Variants in CSGALNACT1 observed in about 807,000 individuals in gnomAD.
CSGALNACT1 encodes the protein chondroitin sulfate N-acetylgalactosaminyltransferase 1, also known as beta4GalNAcT-1.
In CSGALNACT1, 52 loss-of-function variants were observed where a neutral mutation model predicts 51.0. That is an observed-to-expected ratio of 1.02 (90% confidence interval 0.82 to 1.29). The LOEUF (loss-of-function observed/expected upper bound fraction) is 1.29. Ranked by LOEUF, CSGALNACT1 falls within the 50% of genes most tolerant of loss-of-function variation. The probability of loss-of-function intolerance (pLI) is 0.00; values close to 1 mark genes in which losing one functional copy is unlikely to be tolerated. For synonymous variants in CSGALNACT1, 341 were observed against 254.4 expected, an observed-to-expected ratio of 1.34 and a Z score of -3.24; for missense variants, 935 against 679.2, an observed-to-expected ratio of 1.38 and a Z score of -4.19.
chr8:19,689,530 A>T (rs1056127707), intron 1 of CSGALNACT1, among the ~76,000 whole-genome samples: 1 of 152,242 alleles, frequency 6.6e-6, no homozygotes, highest in Non-Finnish European at 1.5e-5. Flanking sequence ...TTTGCTACAC[A>T]GCAATAAATA....
At chr8:19,747,176 G>T (rs1411070010) in intron 1 of CSGALNACT1, among the ~76,000 whole-genome samples, 1 of 151,748 alleles carries the variant, frequency 6.6e-6, no homozygotes, top group African/African-American at 2.4e-5. Flanking sequence ...GACGACAGGG[G>T]AAAAATGCAG....
At chr8:19,448,943 A>G (rs1015240494) in intron 5 of CSGALNACT1, among the ~76,000 whole-genome samples, 3 of 152,224 alleles carry the variant, frequency 2.0e-5, no homozygotes, top group Non-Finnish European at 4.4e-5. Context: ...AGTGGGGCTA[A>G]GTAAAACCTG....
intron 1 of CSGALNACT1, among the ~76,000 whole-genome samples, chr8:19,696,778 G>A (rs940625933): frequency 3.3e-5 from 5 of 152,094 alleles, no homozygotes; most frequent in African/African-American, 1.2e-4. Flanking sequence ...AATGGGGGTC[G>A]GTACACAGGA....
intron 3 of CSGALNACT1, among the ~76,000 whole-genome samples, chr8:19,524,435 T>A (rs545924044): frequency 6.6e-6 from 1 of 152,210 alleles, no homozygotes; most frequent in East Asian, 1.9e-4. Context: ...GCCTAATTTT[T>A]TTTTCTAGAT....
rs2059437059 is a variant in CSGALNACT1 at position 19,667,091 on chromosome 8, GAA to G, written c.-544+15380_-544+15381del. 5.7e-5 allele frequency among the ~76,000 whole-genome samples: 7 copies of G among 122,928 alleles called. 1 individual carries two copies. The highest frequency in any genetic ancestry group is 2.2e-4 in the African/African-American group (7 of 32,056). The allele number at this position is 122,928 out of a possible 152,430, so 80.6% of individuals were successfully genotyped here. On this transcript the variant is annotated intron_variant, in intron 1 of 9. Coordinates refer to the CSGALNACT1 transcript ENST00000332246. Reference sequence around the variant, plus strand: ...AGAAAGAAAGAAAGAAAGAAAGAAAGAAAGAAAGGGAAAGAAATCTCATCACA... The same window carrying G: ...AGAAAGAAAGAAAGAAAGAAAGAAAGAGAAAGGGAAAGAAATCTCATCACA...
chr8:19,718,360 C>T (rs1264556469), intron 1 of CSGALNACT1, among the ~76,000 whole-genome samples: 1 of 152,176 alleles, frequency 6.6e-6, no homozygotes, highest in African/African-American at 2.4e-5. Context: ...CCTCAGCCTC[C>T]CAAAGTGCTG....
intron 1 of CSGALNACT1, among the ~76,000 whole-genome samples, chr8:19,647,895 T>A (rs1035977588): frequency 5.3e-5 from 8 of 152,132 alleles, no homozygotes; most frequent in Admixed American, 3.3e-4. Context: ...AATGAGACAT[T>A]TGAATAAAAG....
chr8:19,487,083 A>G (rs1004987214), intron 4 of CSGALNACT1, among the ~76,000 whole-genome samples: 1 of 152,218 alleles, frequency 6.6e-6, no homozygotes. Flanking sequence ...ATGCTTTTAT[A>G]TAATGCTTCC....
chr8:19,515,730 T>C (rs932494677), intron 3 of CSGALNACT1, among the ~76,000 whole-genome samples: 1 of 152,094 alleles, frequency 6.6e-6, no homozygotes, highest in Non-Finnish European at 1.5e-5. Flanking sequence ...TTTTTTTATT[T>C]TGATTTTTAA....
rs965052915 is a variant in CSGALNACT1, at chr8:19,439,882, A to T, written c.901T>A (p.Phe301Ile). Residue 301 changes from phenylalanine to isoleucine, a missense_variant, in exon 6 of 10, where the codon TTT becomes ATT. Phe to Ile is a conservative substitution (Grantham distance 21, BLOSUM62 0). Transcript: ENST00000454498. ...ACTTCATTTATTTCTTCTTTCCCAAAGTAAACAACAGTGAGATGGACTCTC... is the reference window on the plus strand; with the variant it reads ...ACTTCATTTATTTCTTCTTTCCCAATGTAAACAACAGTGAGATGGACTCTC... The T allele has an allele frequency of 1.2e-6, 2 of 1,614,078 alleles. No homozygotes were observed. Among genetic ancestry groups the T allele is most frequent in the African/African-American group, 2.7e-5 (2 of 74,930 alleles).
intron 1 of CSGALNACT1, among the ~76,000 whole-genome samples, chr8:19,649,231 G>A (rs2057552511): frequency 6.6e-6 from 1 of 152,114 alleles, no homozygotes; most frequent in African/African-American, 2.4e-5. Context: ...CAAAGTTGGT[G>A]GCCATCTTCT....
chr8:19,616,783 G>A (rs931733135), intron 1 of CSGALNACT1, among the ~76,000 whole-genome samples: 4 of 152,138 alleles, frequency 2.6e-5, no homozygotes, highest in African/African-American at 9.7e-5. Context: ...CTCATATGCT[G>A]AGCAGAGGCC....
chr8:19,704,518 G>T (rs7840999), intron 1 of CSGALNACT1, among the ~76,000 whole-genome samples: 107 of 152,052 alleles, frequency 7.0e-4, no homozygotes, highest in Admixed American at 2.0e-4. Context: ...CAGTATTGAG[G>T]TTCTTCAAAA....
At chr8:19,703,227 A>C (rs2061977346) in intron 1 of CSGALNACT1, among the ~76,000 whole-genome samples, 1 of 152,134 alleles carries the variant, frequency 6.6e-6, no homozygotes, top group South Asian at 2.1e-4. Flanking sequence ...AGAAGGAGCC[A>C]TTGACGTGGC....
intron 4 of CSGALNACT1, among the ~76,000 whole-genome samples, chr8:19,474,065 T>TA (rs1425146179): frequency 6.6e-6 from 1 of 152,116 alleles, no homozygotes; most frequent in African/African-American, 2.4e-5. Context: ...TAAATCTTAG[T>TA]AAAAAAGAAC....
At chr8:19,600,806 T>C (rs1320846582) in intron 2 of CSGALNACT1, among the ~76,000 whole-genome samples, 1 of 151,254 alleles carries the variant, frequency 6.6e-6, no homozygotes, top group East Asian at 1.9e-4. Flanking sequence ...TATTTTATCT[T>C]AATAGTGTGA....
intron 1 of CSGALNACT1, among the ~76,000 whole-genome samples, chr8:19,744,305 G>C (rs1047305707): frequency 6.6e-6 from 1 of 152,158 alleles, no homozygotes; most frequent in Non-Finnish European, 1.5e-5. Flanking sequence ...CTGTCCTCAT[G>C]CTCAGCGGAC....
intron 3 of CSGALNACT1, among the ~76,000 whole-genome samples, chr8:19,585,828 G>T (rs1314347294): frequency 3.3e-5 from 5 of 152,194 alleles, no homozygotes; most frequent in Admixed American, 6.5e-5. Flanking sequence ...CCAGGTCCCA[G>T]TAGCATCTGC....
intron 1 of CSGALNACT1, among the ~76,000 whole-genome samples, chr8:19,645,391 C>T (rs1311117899): frequency 6.6e-6 from 1 of 152,218 alleles, no homozygotes; most frequent in Non-Finnish European, 1.5e-5. Context: ...GCACCAAATT[C>T]CCTTTGTCAG....
Sources: allele counts gnomAD v4.1 joint callset (sites outside exome capture counted in the v4.1 genomes callset), GRCh38; gene constraint gnomAD v4.1.1; transcripts MANE v1.5; gene names NCBI Gene and HGNC (gene_info 2026-07-23, HGNC 2026-07-21).